Variants in HOXD11 observed in about 807,000 individuals in gnomAD.
The protein encoded by HOXD11 is homeobox protein Hox-D11.
HOXD11 carries 16 observed loss-of-function variants against 23.1 expected under a neutral mutation model. The ratio of observed to expected loss-of-function variants is 0.69; its 90% CI spans 0.47 to 1.05. The LOEUF (loss-of-function observed/expected upper bound fraction) is 1.05, where lower values mean the gene tolerates loss of function less well. Ranked by LOEUF, HOXD11 falls within the 50% of genes least tolerant of loss-of-function variation. The probability of loss-of-function intolerance (pLI) is 0.00; values close to 1 mark genes in which losing one functional copy is unlikely to be tolerated. For missense variants in HOXD11, 564 were observed against 495.6 expected (o/e 1.14, Z -1.31); for synonymous variants, 262 against 224.4 (o/e 1.17, Z -1.50).
rs769288935 is a variant in HOXD11 at position 176,107,513 on chromosome 2, C to T, written c.158C>T (p.Pro53Leu). 4 of 1,613,700 alleles carry T rather than the reference C, an allele frequency of 2.5e-6. No individual in the cohort carries two copies. Among genetic ancestry groups the T allele is most frequent in the Non-Finnish European group, 8.5e-7 (1 of 1,179,866 alleles). The change falls in exon 1 of 2, where the codon CCG (proline) becomes CTG (leucine). Residue 53 changes from proline (P) to leucine (L), a missense_variant. Physicochemically the swap from Pro to Leu is moderately conservative, Grantham distance 98. Transcript: ENST00000249504. ...MTFPYSSNLAPHVQPVREVAF... is the reference protein window; with the variant it reads ...MTFPYSSNLALHVQPVREVAF... ...TTCCCCTACTCTTCCAACCTGGCTC[C>T]GCACGTCCAGCCCGTGCGCGAAGTG...
At position 176,107,419 on chromosome 2, in the gene HOXD11, T is replaced by G; in HGVS notation, c.64T>G (p.Tyr22Asp). 6.2e-7 allele frequency: 1 copy of G among 1,613,804 alleles called. No individual in the cohort carries two copies. The highest frequency in any genetic ancestry group is 1.1e-5 in the South Asian group (1 of 91,038). ...CATGTACCTGCCGGGCTGCGCCTACTATGTGGCCCCGTCTGACTTCGCTAG... is the reference window on the plus strand; with the variant it reads ...CATGTACCTGCCGGGCTGCGCCTACGATGTGGCCCCGTCTGACTTCGCTAG... ...ASMYLPGCAY[Y>D]VAPSDFASKP... The change falls in exon 1 of 2, where the codon TAT becomes GAT. Residue 22 changes from tyrosine (Y) to aspartate (D), a missense_variant. Coordinates refer to ENST00000249504, the MANE Select transcript of HOXD11 (RefSeq NM_021192.3).
rs1689642636 is a variant in HOXD11 at position 176,109,316 on chromosome 2, G to A, written c.*174G>A. On this transcript the variant is annotated 3_prime_UTR_variant, in exon 2 of 2. Transcript: ENST00000249504. ...CCAGCGACCACTGCAGCCTGCGGAC[G>A]AGGCCGGGACTTGGCCGAGCGGATC... 1 of 604,148 alleles carries A rather than the reference G, an allele frequency of 1.7e-6. No homozygotes were observed. The highest frequency in any genetic ancestry group is 2.0e-5 in the South Asian group (1 of 49,110). The allele number at this position is 604,148 out of a possible 1,614,324, so 37.4% of individuals were successfully genotyped here.
chr2:176,108,103 G>C lies in HOXD11; in HGVS notation c.748G>C (p.Gly250Arg), dbSNP rs1476177356. 13 of 1,461,840 alleles carry C rather than the reference G, an allele frequency of 8.9e-6. No individual in the cohort carries two copies. Among genetic ancestry groups the C allele is most frequent in the Non-Finnish European group, 1.2e-5 (13 of 1,112,518 alleles). The allele number at this position is 1,461,840 out of a possible 1,614,324, so 90.6% of individuals were successfully genotyped here. Residue 250 changes from glycine to arginine, a missense_variant, in exon 1 of 2, where the codon GGA (glycine) becomes CGA (arginine). Physicochemically the swap from Gly to Arg is moderately radical, Grantham distance 125 (BLOSUM62 -2). Transcript: ENST00000249504. ...CGGTGGCGACGGCGAGGGCCCCCCG[G>C]GAGAGGCGGGGGCCGAGAAGAGCAG... ...GSGGDGEGPP[G>R]EAGAEKSSSA...
At position 176,107,486 on chromosome 2, in the gene HOXD11, C is replaced by A. The variant is rs1350464379; in HGVS notation, c.131C>A (p.Thr44Asn). 12 of 1,613,966 alleles carry A rather than the reference C, an allele frequency of 7.4e-6. No homozygotes were observed. The highest frequency in any genetic ancestry group is 1.0e-5 in the Non-Finnish European group (12 of 1,179,916). Residue 44 changes from threonine to asparagine, a missense_variant, in exon 1 of 2, where the codon ACT becomes AAT. Thr to Asn is a moderately conservative substitution (Grantham distance 65). Transcript: ENST00000249504. ...TCCCAACCGTCGTCCTGCCAGATGA[C>A]TTTCCCCTACTCTTCCAACCTGGCT... ...FLSQPSSCQMTFPYSSNLAPH... is the reference protein window; with the variant it reads ...FLSQPSSCQMNFPYSSNLAPH...
chr2:176,107,510 C>T lies in HOXD11; in HGVS notation c.155C>T (p.Ala52Val), dbSNP rs1469393296. The change falls in exon 1 of 2, where the codon GCT (alanine) becomes GTT (valine). Residue 52 changes from alanine (A) to valine (V), a missense_variant. Ala to Val is a moderately conservative substitution (Grantham distance 64). Transcript: ENST00000249504. ...ACTTTCCCCTACTCTTCCAACCTGG[C>T]TCCGCACGTCCAGCCCGTGCGCGAA... ...QMTFPYSSNL[A>V]PHVQPVREVA... The T allele has an allele frequency of 1.9e-6, 3 of 1,613,814 alleles. No homozygotes were observed. Among genetic ancestry groups the T allele is most frequent in the Non-Finnish European group, 2.5e-6 (3 of 1,179,888 alleles).
chr2:176,107,822 G>A lies in HOXD11; in HGVS notation c.467G>A (p.Gly156Asp), dbSNP rs985112285. 1.2e-5 allele frequency: 17 copies of A among 1,420,530 alleles called. No individual in the cohort carries two copies. The highest frequency in any genetic ancestry group is 6.0e-5 in the African/African-American group (4 of 66,334). The allele number at this position is 1,420,530 out of a possible 1,614,324, so 88.0% of individuals were successfully genotyped here. ...TGCGCTGCGCCGGGGCCGCCGCACG[G>A]CCCCGCGGGCGCCGCCTCCAACTTC... ...PVCAAPGPPHGPAGAASNFYS... is the reference protein window; with the variant it reads ...PVCAAPGPPHDPAGAASNFYS... Residue 156 changes from glycine to aspartate, a missense_variant, in exon 1 of 2, where the codon GGC (glycine) becomes GAC (aspartate). Physicochemically the swap from Gly to Asp is moderately conservative, Grantham distance 94. Transcript: ENST00000249504.
chr2:176,107,854 G>T lies in HOXD11; in HGVS notation c.499G>T (p.Ala167Ser). 6.9e-7 allele frequency: 1 copy of T among 1,449,604 alleles called. No individual in the cohort carries two copies. Among genetic ancestry groups the T allele is most frequent in the South Asian group, 1.3e-5 (1 of 74,830 alleles). The allele number at this position is 1,449,604 out of a possible 1,614,324, so 89.8% of individuals were successfully genotyped here. A position where few individuals can be genotyped will look rare whatever the true frequency, so the allele number is the denominator to read the frequency against. Residue 167 changes from alanine to serine, a missense_variant, in exon 1 of 2, where the codon GCG becomes TCG. Physicochemically the swap from Ala to Ser is moderately conservative, Grantham distance 99. Coordinates refer to ENST00000249504, the MANE Select transcript of HOXD11 (RefSeq NM_021192.3). ...PAGAASNFYS[A>S]VGRNGILPQG... ...GGGCGCCGCCTCCAACTTCTACAGCGCGGTGGGCCGCAATGGCATCTTGCC... is the reference window on the plus strand; with the variant it reads ...GGGCGCCGCCTCCAACTTCTACAGCTCGGTGGGCCGCAATGGCATCTTGCC...
In HOXD11 at chr2:176,109,421, C is replaced by CCGAGT. The variant is rs962771241; in HGVS notation, c.*281_*285dup. On this transcript the variant is annotated 3_prime_UTR_variant, in exon 2 of 2. Transcript: ENST00000249504. Reference sequence around the variant, plus strand: ...GTGCTGTCGTTCCCCCTCCCCCTCTCCGAGTCCTCGTGGGGACACGGCGGG... The same window carrying CCGAGT: ...GTGCTGTCGTTCCCCCTCCCCCTCTCCGAGTCGAGTCCTCGTGGGGACACGGCGGG... 2 of 390,206 alleles carry CCGAGT rather than the reference C, an allele frequency of 5.1e-6. No homozygotes were observed. Among genetic ancestry groups the CCGAGT allele is most frequent in the Non-Finnish European group, 4.7e-6 (1 of 214,648 alleles). 24.2% of individuals were successfully genotyped at this position (390,206 alleles called of 1,614,324 possible). A position where few individuals can be genotyped will look rare whatever the true frequency, so the allele number is the denominator to read the frequency against.
downstream of HOXD11, among the ~76,000 whole-genome samples, chr2:176,111,842 A>AAAAAAAAAAAAAAAAAC (rs1689679423): frequency 6.7e-6 from 1 of 148,954 alleles, no homozygotes; most frequent in African/African-American, 2.5e-5. Context: ...AAAAAAAAAA[A>AAAAAAAAAAAAAAAAAC]AAAAAAACCT....
At chr2:176,114,135 T>G (rs534368740), downstream of HOXD11, among the ~76,000 whole-genome samples, 1 of 152,348 alleles carries the variant, frequency 6.6e-6, no homozygotes, top group South Asian at 2.1e-4. Flanking sequence ...TCGATACTGC[T>G]GGAGCGCCAA....
intron 1 of HOXD11, 50 bp from the exon 2 acceptor site, chr2:176,108,857 G>C (rs1282340659): frequency 7.2e-7 from 1 of 1,382,174 alleles, no homozygotes; most frequent in Admixed American, 1.7e-5. Context: ...GGGCGGGTGG[G>C]GGCTGTCAGG....
intron 1 of HOXD11, 66 bp downstream of exon 1, chr2:176,108,202 C>T: frequency 1.2e-6 from 1 of 857,256 alleles, no homozygotes; most frequent in Non-Finnish European, 1.6e-6. Flanking sequence ...GGGGCGGAGG[C>T]CTCCCTCTGC....
downstream of HOXD11, among the ~76,000 whole-genome samples, chr2:176,113,538 AATAAAGGCT>A (rs1689705026): frequency 6.6e-6 from 1 of 152,186 alleles, no homozygotes; most frequent in Admixed American, 6.5e-5. Context: ...TCATAAGCAA[AATAAAGGCT>A]GGCCTGTAGA....
In HOXD11 at chr2:176,107,384, G is replaced by C; in HGVS notation, c.29G>C (p.Ser10Thr). The change falls in exon 1 of 2, where the codon AGC becomes ACC. Residue 10 changes from serine (S) to threonine (T), a missense_variant. Ser to Thr is a moderately conservative substitution (Grantham distance 58). Transcript: ENST00000249504. Reference protein sequence around the residue: MNDFDECGQSAASMYLPGCA... With the variant: MNDFDECGQTAASMYLPGCA... ...AACGACTTTGACGAGTGCGGCCAGA[G>C]CGCAGCCAGCATGTACCTGCCGGGC... The C allele has an allele frequency of 6.2e-7, 1 of 1,611,918 alleles. No homozygotes were observed. The highest frequency in any genetic ancestry group is 8.5e-7 in the Non-Finnish European group (1 of 1,179,244).
intron 1 of HOXD11, among the ~76,000 whole-genome samples, chr2:176,108,572 C>T (rs547371921): frequency 6.6e-6 from 1 of 152,084 alleles, no homozygotes; most frequent in African/African-American, 2.4e-5. Context: ...AAGCAGATGC[C>T]CCGGCGGGCC....
downstream of HOXD11, among the ~76,000 whole-genome samples, chr2:176,110,219 T>G (rs1414041040): frequency 6.6e-6 from 1 of 152,236 alleles, no homozygotes; most frequent in Non-Finnish European, 1.5e-5. Context: ...CATTTATCGC[T>G]TCAAGTTAAA....
downstream of HOXD11, among the ~76,000 whole-genome samples, chr2:176,110,247 TA>T (rs1689655448): frequency 2.0e-5 from 3 of 152,234 alleles, no homozygotes; most frequent in Non-Finnish European, 4.4e-5. Flanking sequence ...GTGAGGGCTC[TA>T]CTGCACTTTA....
At chr2:176,108,759 C>T (rs1302557515) in intron 1 of HOXD11, 148 bp from the exon 2 acceptor site, 2 of 615,144 alleles carry the variant, frequency 3.3e-6, no homozygotes, top group Admixed American at 2.9e-5. Context: ...ATATCATCCC[C>T]CACGACGCAG....
intron 1 of HOXD11, among the ~76,000 whole-genome samples, chr2:176,108,576 G>A (rs1689623038): frequency 6.6e-6 from 1 of 152,068 alleles, no homozygotes; most frequent in African/African-American, 2.4e-5. Flanking sequence ...AGATGCCCCG[G>A]CGGGCCTGCT....
Sources: gnomAD v4.1 joint callset for allele counts (sites outside exome capture counted in the v4.1 genomes callset) on GRCh38, gnomAD v4.1.1 for gene constraint, MANE v1.5 for transcripts, NCBI Gene and HGNC (gene_info 2026-07-23, HGNC 2026-07-21) for gene names.